DENND3: variants seen among roughly 807,000 people sequenced by gnomAD.
DENND3 encodes the protein DENN domain containing 3.
Under a neutral mutation model 135.1 loss-of-function variants are expected in DENND3, and 88 were observed. That is an observed-to-expected ratio of 0.65 (90% CI 0.55 to 0.78). The LOEUF (loss-of-function observed/expected upper bound fraction) is 0.78, where lower values mean the gene tolerates loss of function less well. Among genes scored for constraint, DENND3 ranks in the 30% least tolerant of loss-of-function variants. DENND3 has a pLI of 0.00. For missense variants in DENND3, 1,392 were observed against 1,688.4 expected (o/e 0.82, Z 3.08); for synonymous variants, 693 against 712.3 (o/e 0.97, Z 0.43).
chr8:141,188,133 G>A (rs939023276), intron 18 of DENND3, among the ~76,000 whole-genome samples: 2 of 150,276 alleles, frequency 1.3e-5, no homozygotes, highest in African/African-American at 5.0e-5. Context: ...GTCTGAAGCG[G>A]GAGAATCGCT....
At position 141,189,047 on chromosome 8, in the gene DENND3, A is replaced by G; in HGVS notation, c.3146A>G (p.Tyr1049Cys). The stretch of plus-strand genomic sequence containing the variant: ...GTTGGCTCGGAAGACTCCGTCATCT[A>G]CATCATCAACGTCCACAGCATGTCC... ...VWVGSEDSVIYIINVHSMSCN... is the reference protein window; with the variant it reads ...VWVGSEDSVICIINVHSMSCN... The change falls in exon 19 of 23, where the codon TAC (tyrosine) becomes TGC (cysteine). Residue 1049 changes from tyrosine to cysteine, a missense_variant. Physicochemically the swap from Tyr to Cys is radical, Grantham distance 194 (BLOSUM62 -2). Transcript: ENST00000519811. The G allele has an allele frequency of 3.7e-6, 6 of 1,614,182 alleles. No individual in the cohort carries two copies. The highest frequency in any genetic ancestry group is 5.1e-6 in the Non-Finnish European group (6 of 1,180,026).
At chr8:141,169,528 C>A (rs1022696923) in intron 13 of DENND3, among the ~76,000 whole-genome samples, 11 of 152,228 alleles carry the variant, frequency 7.2e-5, no homozygotes. Flanking sequence ...CAGGGTCCTG[C>A]GCCCAGACTA....
rs779390952 is a variant in DENND3 at position 141,163,437 on chromosome 8, C to A, written c.1449+8C>A. The A allele has an allele frequency of 5.6e-6, 9 of 1,594,116 alleles. No homozygotes were observed. The South Asian group carries it at 1.0e-4, about 18-fold the overall frequency. On this transcript the variant is annotated splice_region_variant and intron_variant, in intron 10 of 22. Transcript: ENST00000519811. The stretch of plus-strand genomic sequence containing the variant: ...CATCAGTTTTATAAGCAGGTGAGAG[C>A]TGTGGGATTTGGGTGTGCCTGTGTG...
intron 1 of DENND3, among the ~76,000 whole-genome samples, chr8:141,129,012 C>T (rs1368087764): frequency 6.6e-6 from 1 of 152,208 alleles, no homozygotes; most frequent in Non-Finnish European, 1.5e-5. Context: ...CGCCCTGCTC[C>T]CCTCCCCTCT....
At position 141,163,528 on chromosome 8, in the gene DENND3, A is replaced by G. The variant is rs938515732; in HGVS notation, c.1449+99A>G. 13 of 789,528 alleles carry G rather than the reference A, an allele frequency of 1.6e-5. No homozygotes were observed. The African/African-American group carries it at 2.3e-4, about 14-fold the overall frequency. 48.9% of individuals were successfully genotyped at this position (789,528 alleles called of 1,614,324 possible). A position where few individuals can be genotyped will look rare whatever the true frequency, so the allele number is the denominator to read the frequency against. ...AAAATAAGTGTTCTCAAGTGTATCA[A>G]CTTTTCCAAAAAGTTTGTTTTAGCA... On this transcript the variant is annotated intron_variant, in intron 10 of 22. Coordinates refer to ENST00000519811, the MANE Select transcript of DENND3 (RefSeq NM_001352890.3).
rs373996273 is a variant in DENND3, at chr8:141,160,004, G to A, written c.1197-628G>A. 9.9e-5 allele frequency among the ~76,000 whole-genome samples: 15 copies of A among 152,278 alleles called. No homozygotes were observed. The South Asian group carries it at 2.3e-3, about 23-fold the overall frequency. ...CCTTCTAGGCAGCCATGAGTGACCC[G>A]TCAAGAGGCAGCCTGACCTGGAAGC... is the stretch of plus-strand genomic sequence containing the variant. On this transcript the variant is annotated intron_variant, in intron 8 of 22. Coordinates refer to ENST00000519811, the MANE Select transcript of DENND3 (RefSeq NM_001352890.3).
chr8:141,192,128 G>A, intron 20 of DENND3: 1 of 545,422 alleles, frequency 1.8e-6, no homozygotes, highest in Non-Finnish European at 3.1e-6. Context: ...TTTCTGGTGA[G>A]CCTCATTTCT....
chr8:141,160,927 C>A, intron 9 of DENND3, 140 bp downstream of exon 9: 2 of 1,101,816 alleles, frequency 1.8e-6, no homozygotes, highest in Non-Finnish European at 2.5e-6. Flanking sequence ...CGCCCCCTGC[C>A]AAAGCTTTTC....
intron 13 of DENND3, among the ~76,000 whole-genome samples, chr8:141,170,810 A>G (rs977152103): frequency 6.6e-6 from 1 of 152,146 alleles, no homozygotes; most frequent in African/African-American, 2.4e-5. Flanking sequence ...CGTGTCATCT[A>G]GCGCCAGCTC....
intron 19 of DENND3, 107 bp from the exon 20 acceptor site, chr8:141,190,177 T>C: frequency 7.1e-7 from 1 of 1,400,408 alleles, no homozygotes; most frequent in Non-Finnish European, 9.3e-7. Flanking sequence ...TTATCCGTGT[T>C]GAGCACATTT....
At chr8:141,191,592 C>T (rs572496743) in intron 20 of DENND3, 7 of 152,406 alleles carry the variant, frequency 4.6e-5, no homozygotes, top group African/African-American at 7.2e-5. Flanking sequence ...ACACCGTCCC[C>T]GCGGGAGTGA....
At chr8:141,135,273 T>C (rs1054803575) in intron 1 of DENND3, among the ~76,000 whole-genome samples, 1 of 151,518 alleles carries the variant, frequency 6.6e-6, no homozygotes, top group Non-Finnish European at 1.5e-5. Context: ...TGCCTTAGCC[T>C]CCTGTGTAGC....
At position 141,150,895 on chromosome 8, in the gene DENND3, T is replaced by C; in HGVS notation, c.797T>C (p.Ile266Thr). 2 of 1,610,432 alleles carry C rather than the reference T, an allele frequency of 1.2e-6. No individual in the cohort carries two copies. The highest frequency in any genetic ancestry group is 1.7e-6 in the Non-Finnish European group (2 of 1,179,170). The change falls in exon 6 of 23, where the codon ATC (isoleucine) becomes ACC (threonine). Residue 266 changes from isoleucine (I) to threonine (T), a missense_variant. Physicochemically the swap from Ile to Thr is moderately conservative, Grantham distance 89. Coordinates refer to ENST00000519811, the MANE Select transcript of DENND3 (RefSeq NM_001352890.3). ...GCCCGAGCAGACCCCGAAAGCCCCATCCTGGACCTGGACCTTCACCTGCCC... is the reference window on the plus strand; with the variant it reads ...GCCCGAGCAGACCCCGAAAGCCCCACCCTGGACCTGGACCTTCACCTGCCC... ...LPARADPESP[I>T]LDLDLHLPLL...
intron 1 of DENND3, among the ~76,000 whole-genome samples, chr8:141,132,457 A>C (rs1816246582): frequency 1.3e-5 from 2 of 152,100 alleles, no homozygotes; most frequent in South Asian, 4.1e-4. Context: ...TCCCAGGTTC[A>C]AGCGATTCTC....
Position 141,175,312 on chromosome 8 carries a change from G to A in DENND3, c.2388G>A (p.Leu796=). The A allele has an allele frequency of 1.2e-6, 2 of 1,614,230 alleles. No individual in the cohort carries two copies. The highest frequency in any genetic ancestry group is 1.7e-6 in the Non-Finnish European group (2 of 1,180,040). Residue 796 remains leucine (L), a synonymous_variant, in exon 14 of 23, where the codon CTG becomes CTA. Coordinates refer to ENST00000519811, the MANE Select transcript of DENND3 (RefSeq NM_001352890.3). This position sits in a 1 kb window ranked among gnomAD's most constrained non-coding sequence, Gnocchi z 5.4. The stretch of plus-strand genomic sequence containing the variant: ...TGCCGTGGCTGGTGATGGAACACCT[G>A]GATAAAAACGAGTGTGTGTGTAAGT... The part of the protein sequence containing the change: ...VSLPWLVMEH[L]DKNECVCKLS...
chr8:141,147,100 G>A (rs1157904710), intron 5 of DENND3, among the ~76,000 whole-genome samples: 1 of 152,142 alleles, frequency 6.6e-6, no homozygotes, highest in Non-Finnish European at 1.5e-5. Context: ...GAGGGTTGCC[G>A]CTGGCCTGCT....
chr8:141,192,220 G>T, intron 20 of DENND3, 111 bp from the exon 21 acceptor site: 1 of 1,471,092 alleles, frequency 6.8e-7, no homozygotes, highest in Non-Finnish European at 9.1e-7. Context: ...GTGGCACGTG[G>T]TGATCCCCCC....
intron 17 of DENND3, 108 bp downstream of exon 17, chr8:141,180,962 A>G: frequency 1.2e-6 from 1 of 850,146 alleles, no homozygotes; most frequent in East Asian, 2.7e-5. Context: ...GTGTCACGGG[A>G]TAAGTGGGGA....
At position 141,154,707 on chromosome 8, in the gene DENND3, C is replaced by T. The variant is rs940719265; in HGVS notation, c.1075-1142C>T. Among the ~76,000 whole-genome samples the T allele has an allele frequency of 1.3e-5, 2 of 152,018 alleles. No homozygotes were observed. The highest frequency in any genetic ancestry group is 2.4e-5 in the African/African-American group (1 of 41,368). On this transcript the variant is annotated intron_variant, in intron 7 of 22. Coordinates refer to ENST00000519811, the MANE Select transcript of DENND3 (RefSeq NM_001352890.3). The surrounding 1 kb of genome is among the most constrained non-coding windows in gnomAD (Gnocchi z 4.4). ...CCTCCTGAGTAGCTGGGATTGCAGG[C>T]ACACGCCACCATGCCTGGGTAATTT...
Sources: allele counts gnomAD v4.1 joint callset (sites outside exome capture counted in the v4.1 genomes callset), GRCh38; gene constraint gnomAD v4.1.1; non-coding constraint Gnocchi (gnomAD v3.1); transcripts MANE v1.5; gene names NCBI Gene and HGNC (gene_info 2026-07-23, HGNC 2026-07-21).